Variants in CRLF3 observed in about 807,000 individuals in gnomAD.
The protein encoded by CRLF3 is cytokine receptor like factor 3.
CRLF3 carries 33 observed loss-of-function variants against 55.0 expected under a neutral mutation model. That is an observed-to-expected ratio of 0.60 (90% confidence interval 0.46 to 0.80). The LOEUF (loss-of-function observed/expected upper bound fraction) is 0.80. Among genes scored for constraint, CRLF3 ranks in the 30% least tolerant of loss-of-function variants. The probability of loss-of-function intolerance (pLI) is 0.00; values close to 1 mark genes in which losing one functional copy is unlikely to be tolerated. For missense variants in CRLF3, 494 were observed against 538.4 expected (o/e 0.92, Z 0.82); for synonymous variants, 238 against 196.8 (o/e 1.21, Z -1.75).
Position 30,792,430 on chromosome 17 carries a change from A to G in CRLF3, c.959+10T>C. 1.9e-6 allele frequency: 3 copies of G among 1,599,892 alleles called. No individual in the cohort carries two copies. The highest frequency in any genetic ancestry group is 1.1e-5 in the South Asian group (1 of 90,558). On this transcript the variant is annotated intron_variant, in intron 6 of 7. Coordinates refer to ENST00000324238, the MANE Select transcript of CRLF3 (RefSeq NM_015986.4). The stretch of plus-strand genomic sequence containing the variant: ...CCTGAGGCAGGTGAGATGTTTTAAT[A>G]TCTACTTGCCTGAATGTTAATGTCT...
chr17:30,789,795 CATT>C (rs1017576583), intron 6 of CRLF3, among the ~76,000 whole-genome samples: 8 of 152,134 alleles, frequency 5.3e-5, no homozygotes, highest in Admixed American at 3.3e-4. Context: ...TTATTATCAT[CATT>C]ATTGCAGTCT....
At chr17:30,822,048 G>T (rs1905012569) in intron 1 of CRLF3, among the ~76,000 whole-genome samples, 1 of 127,732 alleles carries the variant, frequency 7.8e-6, no homozygotes. Flanking sequence ...ACAAAACCCT[G>T]TCCGCACCCC....
chr17:30,796,991 T>C (rs1487297815), intron 3 of CRLF3, among the ~76,000 whole-genome samples: 7 of 152,054 alleles, frequency 4.6e-5, no homozygotes, highest in African/African-American at 1.4e-4. Flanking sequence ...ATCTGCCTCC[T>C]GGGTTCAAGC....
chr17:30,817,411 C>G (rs144749458), intron 1 of CRLF3, among the ~76,000 whole-genome samples: 3 of 150,394 alleles, frequency 2.0e-5, no homozygotes, highest in African/African-American at 7.3e-5. Context: ...GCACTCCAGT[C>G]TGGGTGACAA....
chr17:30,818,742 C>A (rs1904889539), intron 1 of CRLF3, among the ~76,000 whole-genome samples: 1 of 151,760 alleles, frequency 6.6e-6, no homozygotes, highest in Non-Finnish European at 1.5e-5. Flanking sequence ...GTGTGAGCCA[C>A]CACGCCTGGC....
chr17:30,797,971 G>T (rs1971948275), intron 2 of CRLF3, among the ~76,000 whole-genome samples: 1 of 115,698 alleles, frequency 8.6e-6, no homozygotes, highest in Non-Finnish European at 1.9e-5. Context: ...GTAGAGATGA[G>T]GTCTCACTAT....
chr17:30,796,811 C>T (rs1438655084), intron 3 of CRLF3, among the ~76,000 whole-genome samples: 4 of 151,574 alleles, frequency 2.6e-5, no homozygotes, highest in Non-Finnish European at 5.9e-5. Context: ...GCAACCTCCA[C>T]CTCCCCGATT....
Position 30,796,395 on chromosome 17 carries a change from G to T in CRLF3, c.426-58C>A, listed in dbSNP as rs533045156. 20 of 1,405,056 alleles carry T rather than the reference G, an allele frequency of 1.4e-5. No individual in the cohort carries two copies. In the Admixed American group the frequency reaches 3.6e-4, roughly 25 times the overall value. The allele number at this position is 1,405,056 out of a possible 1,614,324, so 87.0% of individuals were successfully genotyped here. A position where few individuals can be genotyped will look rare whatever the true frequency, so the allele number is the denominator to read the frequency against. ...TCTAACTGAGAGTTAAAAAATACAA[G>T]AAATATTTTAGAGCAGTCACATGCT... On this transcript the variant is annotated intron_variant, in intron 3 of 7. Transcript: ENST00000324238.
intron 4 of CRLF3, among the ~76,000 whole-genome samples, chr17:30,794,846 A>G (rs1462039223): frequency 1.3e-5 from 2 of 152,174 alleles, no homozygotes; most frequent in Non-Finnish European, 2.9e-5. Context: ...GCAAAAATAT[A>G]AAGTCTCACA....
intron 1 of CRLF3, among the ~76,000 whole-genome samples, chr17:30,804,639 G>A (rs1904334225): frequency 6.6e-6 from 1 of 152,170 alleles, no homozygotes; most frequent in African/African-American, 2.4e-5. Flanking sequence ...GTTCATCCAT[G>A]CTGTCACAAA....
chr17:30,796,054 G>T, intron 4 of CRLF3, 106 bp downstream of exon 4: 1 of 652,730 alleles, frequency 1.5e-6, no homozygotes, highest in Non-Finnish European at 2.4e-6. Flanking sequence ...ATTTTTGTTT[G>T]AGAAGAAAAG....
Position 30,824,573 on chromosome 17 carries a change from G to A in CRLF3, c.79C>T (p.Arg27Trp), listed in dbSNP as rs1021329690. ...RENVEAAQSY[R>W]RELGHRLEGL... ...TCAAGCCGGTGACCCAGCTCCCGCCGGTAGCTCTGCGCTGCCTCCACGTTC... is the reference window on the plus strand; with the variant it reads ...TCAAGCCGGTGACCCAGCTCCCGCCAGTAGCTCTGCGCTGCCTCCACGTTC... The change falls in exon 1 of 8, where the codon CGG (arginine) becomes TGG (tryptophan). Residue 27 changes from arginine to tryptophan, a missense_variant. Arg to Trp is a moderately radical substitution (Grantham distance 101). Transcript: ENST00000324238. 2 of 1,603,596 alleles carry A rather than the reference G, an allele frequency of 1.2e-6. No homozygotes were observed. The highest frequency in any genetic ancestry group is 8.5e-7 in the Non-Finnish European group (1 of 1,178,564).
chr17:30,785,042 C>G (rs1162162865), intron 7 of CRLF3: 2 of 151,842 alleles, frequency 1.3e-5, no homozygotes, highest in African/African-American at 4.8e-5. Flanking sequence ...GCCACCGTGC[C>G]CAGCCAACAC....
chr17:30,785,959 G>C lies in CRLF3; in HGVS notation c.1032C>G (p.Asp344Glu). 6.2e-7 allele frequency: 1 copy of C among 1,612,294 alleles called. No homozygotes were observed. Among genetic ancestry groups the C allele is most frequent in the Non-Finnish European group, 8.5e-7 (1 of 1,178,438 alleles). The change falls in exon 7 of 8, where the codon GAC (aspartate) becomes GAG (glutamate). Residue 344 changes from aspartate (D) to glutamate (E), a missense_variant. Asp to Glu is a conservative substitution (Grantham distance 45). Coordinates refer to ENST00000324238, the MANE Select transcript of CRLF3 (RefSeq NM_015986.4). ...ACACAGCTTGATCCCGCTGCAGAGA[G>C]TCATATCCATCCTGTTTTTCTGCAC... Reference protein sequence around the residue: ...GVCAEKQDGYDSLQRDQAVCI... With the variant: ...GVCAEKQDGYESLQRDQAVCI...
At chr17:30,802,569 T>A (rs569689999) in intron 2 of CRLF3, among the ~76,000 whole-genome samples, 6 of 151,780 alleles carry the variant, frequency 4.0e-5, no homozygotes, top group Non-Finnish European at 8.8e-5. Flanking sequence ...TAGTTGGGAC[T>A]CCAGGTGCAT....
Position 30,792,517 on chromosome 17 carries a change from A to C in CRLF3, c.882T>G (p.Leu294=), listed in dbSNP as rs761564342. The change falls in exon 6 of 8, where the codon CTT becomes CTG. Residue 294 remains leucine (L), a synonymous_variant. Transcript: ENST00000324238. ...YSLSSRRNIA[L]RNDSESSGVL... ...CACCCGATGATTCAGAATCGTTCCG[A>C]AGTGCTATATTTCTTCGACTGCTCA... The C allele has an allele frequency of 3.1e-6, 5 of 1,612,964 alleles. No individual in the cohort carries two copies. In the East Asian group the frequency reaches 1.1e-4, roughly 36 times the overall value.
In CRLF3 at chr17:30,824,507, G is replaced by A. The variant is rs753799832; in HGVS notation, c.129+16C>T. 52 of 1,580,174 alleles carry A rather than the reference G, an allele frequency of 3.3e-5. No individual in the cohort carries two copies. In the Middle Eastern group the frequency reaches 6.6e-4, roughly 20 times the overall value. On this transcript the variant is annotated intron_variant, in intron 1 of 7. Coordinates refer to ENST00000324238, the MANE Select transcript of CRLF3 (RefSeq NM_015986.4). ...CCCCCGGGCCCACAGCGCCCCTGTG[G>A]GTGTGGCCCTCCGACCTGCCTCCGC...
At chr17:30,787,545 A>T (rs1004389640) in intron 6 of CRLF3, 3 of 152,192 alleles carry the variant, frequency 2.0e-5, no homozygotes, top group African/African-American at 7.2e-5. Flanking sequence ...CAAAAAAAAA[A>T]ATTAGTGTGA....
chr17:30,797,215 C>A, intron 3 of CRLF3, 96 bp downstream of exon 3: 1 of 885,354 alleles, frequency 1.1e-6, no homozygotes, highest in African/African-American at 1.7e-5. Context: ...TATATATTCT[C>A]TATCTCCCTT....
Sources: allele counts gnomAD v4.1 joint callset (sites outside exome capture counted in the v4.1 genomes callset), GRCh38; gene constraint gnomAD v4.1.1; transcripts MANE v1.5; gene names NCBI Gene and HGNC (gene_info 2026-07-23, HGNC 2026-07-21).